Variants in NRXN3 observed in about 807,000 individuals in gnomAD.
The protein encoded by NRXN3 is neurexin III.
In NRXN3, 32 loss-of-function variants were observed where a neutral mutation model predicts 137.6. The ratio of observed to expected loss-of-function variants is 0.23; its 90% CI spans 0.18 to 0.31. NRXN3 has a LOEUF of 0.31. Ranked by LOEUF, NRXN3 falls within the 10% of genes least tolerant of loss-of-function variation. The probability of loss-of-function intolerance (pLI) is 1.00; values close to 1 mark genes in which losing one functional copy is unlikely to be tolerated. For missense variants in NRXN3, 1,574 were observed against 2,062.5 expected (o/e 0.76, Z 4.59); for synonymous variants, 798 against 784.5 (o/e 1.02, Z -0.29).
chr14:78,538,104 G>A (rs967892269), intron 4 of NRXN3, among the ~76,000 whole-genome samples: 1 of 152,078 alleles, frequency 6.6e-6, no homozygotes, highest in Non-Finnish European at 1.5e-5. Flanking sequence ...CTCTTTTTTG[G>A]TTCCATATGA....
At chr14:79,254,250 CA>C (rs1168240076) in intron 15 of NRXN3, among the ~76,000 whole-genome samples, 1 of 152,142 alleles carries the variant, frequency 6.6e-6, no homozygotes, top group African/African-American at 2.4e-5. Context: ...CACAAGAATG[CA>C]TGGCATGCAG....
At chr14:79,636,980 T>G (rs1284533331) in intron 16 of NRXN3, among the ~76,000 whole-genome samples, 1 of 152,232 alleles carries the variant, frequency 6.6e-6, no homozygotes, top group Non-Finnish European at 1.5e-5. Flanking sequence ...GGGGTAAGAC[T>G]GTGTAACCAG....
intron 4 of NRXN3, among the ~76,000 whole-genome samples, chr14:78,374,166 A>C (rs1340273962): frequency 6.6e-6 from 1 of 152,208 alleles, no homozygotes. Flanking sequence ...AATATTATAT[A>C]TTAGGATCTA....
intron 16 of NRXN3, among the ~76,000 whole-genome samples, chr14:79,549,056 A>G (rs1272930313): frequency 6.6e-6 from 1 of 152,132 alleles, no homozygotes; most frequent in East Asian, 1.9e-4. Context: ...AGCATGTGTG[A>G]AGTGACTTTT....
chr14:78,239,365 A>G (rs1161885491), intron 1 of NRXN3, among the ~76,000 whole-genome samples: 1 of 152,216 alleles, frequency 6.6e-6, no homozygotes, highest in Non-Finnish European at 1.5e-5. Context: ...TTGATCCAGT[A>G]GTGCCTGGAA....
chr14:79,379,138 T>G (rs2094393270), intron 15 of NRXN3, among the ~76,000 whole-genome samples: 2 of 152,126 alleles, frequency 1.3e-5, no homozygotes, highest in Non-Finnish European at 2.9e-5. Context: ...AAGCTAGAAT[T>G]TTTTTGTTTT....
At chr14:78,225,974 G>GT (rs1394081828) in intron 1 of NRXN3, among the ~76,000 whole-genome samples, 21,325 of 121,900 alleles carry the variant, frequency 0.17, 1,790 homozygotes, top group Non-Finnish European at 0.2. Flanking sequence ...TGTGTGTGTT[G>GT]GTGTGTGTGT....
intron 16 of NRXN3, among the ~76,000 whole-genome samples, chr14:79,614,831 T>C (rs924260637): frequency 2.4e-4 from 37 of 152,356 alleles, no homozygotes; most frequent in African/African-American, 7.7e-4. Context: ...CCTATCAGAC[T>C]GGTCTTGGAT....
intron 15 of NRXN3, among the ~76,000 whole-genome samples, chr14:79,127,907 G>T (rs1451977745): frequency 7.3e-5 from 11 of 150,950 alleles, no homozygotes; most frequent in African/African-American, 2.7e-4. Context: ...TTGTAAGTTG[G>T]ATTCCTAAGT....
intron 8 of NRXN3, among the ~76,000 whole-genome samples, chr14:78,748,726 A>G (rs1253910514): frequency 1.3e-5 from 2 of 152,164 alleles, no homozygotes; most frequent in Non-Finnish European, 2.9e-5. Context: ...AGGAAGAGGA[A>G]AAGAGGGGAG....
chr14:79,127,512 T>G (rs1006068602), intron 15 of NRXN3, among the ~76,000 whole-genome samples: 7 of 152,316 alleles, frequency 4.6e-5, no homozygotes, highest in Admixed American at 4.6e-4. Context: ...TTCTGAGGGC[T>G]CTGTTCTGTT....
chr14:78,421,815 C>T (rs573387698), intron 4 of NRXN3, among the ~76,000 whole-genome samples: 13 of 152,268 alleles, frequency 8.5e-5, no homozygotes, highest in South Asian at 2.1e-4. Flanking sequence ...CGAGCCACCA[C>T]GCCTGGCCTG....
chr14:79,316,591 A>G (rs1438662743), intron 15 of NRXN3, among the ~76,000 whole-genome samples: 1 of 152,220 alleles, frequency 6.6e-6, no homozygotes, highest in African/African-American at 2.4e-5. Context: ...TAACATTTTA[A>G]TAATTGATAC....
intron 2 of NRXN3, among the ~76,000 whole-genome samples, chr14:78,245,423 CTGGTGCCAGGTGGG>C (rs1026038561): frequency 1.1e-4 from 17 of 152,158 alleles, no homozygotes; most frequent in African/African-American, 3.4e-4. Flanking sequence ...GGCCAGATGG[CTGGTGCCAGGTGGG>C]TGGTGCCAGG....
rs568146083 is a variant in NRXN3, at chr14:79,115,661, G to A, written c.3262+127520G>A. 2.0e-5 allele frequency among the ~76,000 whole-genome samples: 3 copies of A among 152,248 alleles called. No individual in the cohort carries two copies. The South Asian group carries it at 6.2e-4, about 32-fold the overall frequency. On this transcript the variant is annotated intron_variant, in intron 15 of 20. Transcript: ENST00000335750. ...CAAGTGAAAGTAAATGTATCTGCCTGCCTAGATCTCAGCCTAGTATTGATT... is the reference window on the plus strand; with the variant it reads ...CAAGTGAAAGTAAATGTATCTGCCTACCTAGATCTCAGCCTAGTATTGATT...
At chr14:79,186,186 A>G (rs916623629) in intron 15 of NRXN3, among the ~76,000 whole-genome samples, 4 of 152,070 alleles carry the variant, frequency 2.6e-5, no homozygotes, top group East Asian at 1.9e-4. Context: ...ATTCCATTCC[A>G]TGTTAATGGT....
At chr14:78,377,660 C>G (rs945996824) in intron 4 of NRXN3, among the ~76,000 whole-genome samples, 33 of 152,180 alleles carry the variant, frequency 2.2e-4, no homozygotes, top group African/African-American at 7.7e-4. Context: ...TTGGTTTATT[C>G]TGCTGAGGCC....
At chr14:79,592,182 CCTTTT>C (rs1360881653) in intron 16 of NRXN3, among the ~76,000 whole-genome samples, 1 of 152,116 alleles carries the variant, frequency 6.6e-6, no homozygotes, top group Non-Finnish European at 1.5e-5. Flanking sequence ...TATATTGTAT[CCTTTT>C]CTTGTCTGGC....
At chr14:78,651,392 C>T in intron 6 of NRXN3, 66 bp downstream of exon 6, 1 of 1,511,502 alleles carries the variant, frequency 6.6e-7, no homozygotes, top group Non-Finnish European at 9.1e-7. Context: ...AATGACATGT[C>T]TAAATCAATG....
Sources: gnomAD v4.1 joint callset for allele counts (sites outside exome capture counted in the v4.1 genomes callset) on GRCh38, gnomAD v4.1.1 for gene constraint, MANE v1.5 for transcripts, NCBI Gene and HGNC (gene_info 2026-07-23, HGNC 2026-07-21) for gene names.